Variants in JAZF1 observed in about 807,000 individuals in gnomAD.
JAZF1 encodes the protein JAZF zinc finger 1.
A neutral mutation model predicts 26.4 loss-of-function variants in JAZF1; 8 were observed. The ratio of observed to expected loss-of-function variants is 0.30; its 90% confidence interval spans 0.18 to 0.55. JAZF1 has a LOEUF of 0.55. Among genes scored for constraint, JAZF1 ranks in the 20% least tolerant of loss-of-function variants. The probability of loss-of-function intolerance (pLI) is 0.94; values close to 1 mark genes in which losing one functional copy is unlikely to be tolerated. For synonymous variants in JAZF1, 126 were observed against 122.3 expected (o/e 1.03, Z -0.20); for missense variants, 199 against 322.0 (o/e 0.62, Z 2.92).
At chr7:27,887,148 G>A (rs1453652699) in intron 3 of JAZF1, among the ~76,000 whole-genome samples, 1 of 152,144 alleles carries the variant, frequency 6.6e-6, no homozygotes. Flanking sequence ...GGAGGAGGGA[G>A]AGGATCAGGA....
At chr7:27,968,121 C>T (rs774837777) in intron 2 of JAZF1, among the ~76,000 whole-genome samples, 2 of 152,164 alleles carry the variant, frequency 1.3e-5, no homozygotes, top group Non-Finnish European at 2.9e-5. Flanking sequence ...AACAACAAAA[C>T]ATGTACTAAC....
At chr7:27,932,006 A>G (rs1239806124) in intron 2 of JAZF1, among the ~76,000 whole-genome samples, 2 of 152,222 alleles carry the variant, frequency 1.3e-5, no homozygotes, top group African/African-American at 4.8e-5. Flanking sequence ...CTGGTTCATC[A>G]TGGGCTCAGT....
intron 2 of JAZF1, among the ~76,000 whole-genome samples, chr7:27,978,921 G>T (rs1007110412): frequency 2.0e-5 from 3 of 151,322 alleles, no homozygotes; most frequent in Non-Finnish European, 4.4e-5. Flanking sequence ...CAGGGGAGAG[G>T]GGGAGAGAGA....
At chr7:27,871,007 T>C (rs535327497) in intron 3 of JAZF1, among the ~76,000 whole-genome samples, 1 of 152,182 alleles carries the variant, frequency 6.6e-6, no homozygotes, top group Non-Finnish European at 1.5e-5. Flanking sequence ...AGTACGTATA[T>C]GTAGATGCAG....
At chr7:28,026,991 G>C (rs2128374097) in intron 1 of JAZF1, among the ~76,000 whole-genome samples, 1 of 152,322 alleles carries the variant, frequency 6.6e-6, no homozygotes, top group Admixed American at 6.5e-5. Flanking sequence ...CATTACCCGT[G>C]TTTAAAAACA....
At chr7:27,885,521 G>A (rs1009583792) in intron 3 of JAZF1, among the ~76,000 whole-genome samples, 1 of 152,258 alleles carries the variant, frequency 6.6e-6, no homozygotes, top group Admixed American at 6.5e-5. Flanking sequence ...TCCTTTCATT[G>A]TTGAATTGTA....
At chr7:27,833,286 C>T (rs1249875392) in intron 4 of JAZF1, 3 of 173,810 alleles carry the variant, frequency 1.7e-5, no homozygotes, top group Non-Finnish European at 3.6e-5. Context: ...AAAGAAAATC[C>T]TCTGAATCTT....
chr7:27,930,275 A>G (rs9801472), intron 2 of JAZF1, among the ~76,000 whole-genome samples: 36,303 of 152,162 alleles, frequency 0.24, 4,557 homozygotes, highest in South Asian at 0.29. Context: ...GATTACAGGC[A>G]TGAGCCACCG....
chr7:27,858,456 G>T (rs1481520013), intron 3 of JAZF1, among the ~76,000 whole-genome samples: 1 of 152,152 alleles, frequency 6.6e-6, no homozygotes, highest in Non-Finnish European at 1.5e-5. Context: ...AAAGCTGGAG[G>T]CATCATCCTA....
chr7:28,152,342 A>G (rs1783124304), intron 1 of JAZF1, among the ~76,000 whole-genome samples: 1 of 152,208 alleles, frequency 6.6e-6, no homozygotes, highest in African/African-American at 2.4e-5. Flanking sequence ...CTGTATTTGG[A>G]ATAAATCAAA....
intron 1 of JAZF1, among the ~76,000 whole-genome samples, chr7:28,104,270 T>C (rs956154185): frequency 3.9e-5 from 6 of 152,334 alleles, no homozygotes; most frequent in African/African-American, 1.4e-4. Context: ...CAGTTTCATT[T>C]CCCAACATAA....
At chr7:28,069,150 C>T (rs1783930593) in intron 1 of JAZF1, among the ~76,000 whole-genome samples, 1 of 152,178 alleles carries the variant, frequency 6.6e-6, no homozygotes, top group Non-Finnish European at 1.5e-5. Context: ...GTAACTTAAC[C>T]AGCACCACAG....
chr7:27,888,103 G>GC (rs1783900883), intron 3 of JAZF1, among the ~76,000 whole-genome samples: 1 of 152,148 alleles, frequency 6.6e-6, no homozygotes, highest in African/African-American at 2.4e-5. Flanking sequence ...CTACAAAAGC[G>GC]GGTATTTATG....
chr7:27,957,032 C>T lies in JAZF1; in HGVS notation c.188+34877G>A, dbSNP rs542301405. On this transcript the variant is annotated intron_variant, in intron 2 of 4. Transcript: ENST00000283928. ...CCATTTGTCAATGAAAAGTTCGTGCCGCTGACTCAGTTCTGCTCTGCCCTG... is the reference window on the plus strand; with the variant it reads ...CCATTTGTCAATGAAAAGTTCGTGCTGCTGACTCAGTTCTGCTCTGCCCTG... Among the ~76,000 whole-genome samples, 5 of 152,262 alleles carry T rather than the reference C, an allele frequency of 3.3e-5. No homozygotes were observed. The South Asian group carries it at 8.3e-4, about 25-fold the overall frequency.
chr7:27,992,634 C>T (rs538286605), intron 1 of JAZF1, among the ~76,000 whole-genome samples: 1 of 152,092 alleles, frequency 6.6e-6, no homozygotes, highest in Non-Finnish European at 1.5e-5. Context: ...TCCAGCACAG[C>T]ACCAAAAAGG....
At chr7:27,890,913 C>T (rs1302087006) in intron 3 of JAZF1, among the ~76,000 whole-genome samples, 1 of 151,976 alleles carries the variant, frequency 6.6e-6, no homozygotes, top group Admixed American at 6.6e-5. Flanking sequence ...CCTCAACCTC[C>T]CAAGTAGCTG....
intron 2 of JAZF1, among the ~76,000 whole-genome samples, chr7:27,962,379 C>T (rs1431597282): frequency 6.6e-6 from 1 of 152,186 alleles, no homozygotes; most frequent in South Asian, 2.1e-4. Context: ...GGCCAAGCCT[C>T]ACAGTTCATA....
intron 2 of JAZF1, among the ~76,000 whole-genome samples, chr7:27,979,803 C>A (rs1490932250): frequency 6.6e-6 from 1 of 152,066 alleles, no homozygotes; most frequent in East Asian, 1.9e-4. Context: ...CCCTTTCTTT[C>A]CTATCGATTG....
intron 2 of JAZF1, among the ~76,000 whole-genome samples, chr7:27,977,131 G>C (rs1043911466): frequency 9.9e-5 from 15 of 152,072 alleles, no homozygotes; most frequent in Admixed American, 5.2e-4. Context: ...TGACTGCTTT[G>C]TTTTGTCTAA....
Sources: allele counts gnomAD v4.1 joint callset (sites outside exome capture counted in the v4.1 genomes callset), GRCh38; gene constraint gnomAD v4.1.1; transcripts MANE v1.5; gene names NCBI Gene and HGNC (gene_info 2026-07-23, HGNC 2026-07-21).